EFCAB5: variants seen among roughly 807,000 people sequenced by gnomAD.
The protein encoded by EFCAB5 is EF-hand calcium-binding domain-containing protein 5.
In EFCAB5, 131 loss-of-function variants were observed where a neutral mutation model predicts 167.9. The observed-to-expected ratio is 0.78, with a 90% CI of 0.68 to 0.90. The LOEUF is 0.90. EFCAB5 is among the 40% of genes least tolerant of loss of function. The probability of loss-of-function intolerance (pLI) is 0.00; values close to 1 mark genes in which losing one functional copy is unlikely to be tolerated. For missense variants in EFCAB5, 1,663 were observed against 1,745.2 expected, an observed-to-expected ratio of 0.95 and a Z score of 0.84; for synonymous variants, 574 against 602.8, an observed-to-expected ratio of 0.95 and a Z score of 0.70.
chr17:30,096,070 G>A (rs4350617), intron 22 of EFCAB5, among the ~76,000 whole-genome samples: 58,326 of 152,022 alleles, frequency 0.38, 13,721 homozygotes, highest in East Asian at 0.81. Flanking sequence ...TTTTAGTTAC[G>A]AGTTATGATA....
intron 22 of EFCAB5, among the ~76,000 whole-genome samples, chr17:30,100,824 T>G (rs1353021903): frequency 6.6e-6 from 1 of 151,824 alleles, no homozygotes; most frequent in Non-Finnish European, 1.5e-5. Flanking sequence ...ATCAGCCATA[T>G]GAATGTACAA....
rs977200100 is a variant in EFCAB5 at position 30,107,947 on chromosome 17, A to G, written c.4435A>G (p.Ile1479Val). Residue 1479 changes from isoleucine (I) to valine (V), a missense_variant, in exon 23 of 23, where the codon ATT becomes GTT. Transcript: ENST00000394835. ...GATAACCAAACAACTAAATAGTGGT[A>G]TTACACCTCCGTTGCCCTCCAAGAC... is the stretch of plus-strand genomic sequence containing the variant. Reference protein sequence around the residue: ...MKITKQLNSGITPPLPSKTDN... With the variant: ...MKITKQLNSGVTPPLPSKTDN... The G allele has an allele frequency of 6.2e-7, 1 of 1,611,978 alleles. No homozygotes were observed. Among genetic ancestry groups the G allele is most frequent in the Admixed American group, 1.7e-5 (1 of 59,382 alleles).
intron 14 of EFCAB5, among the ~76,000 whole-genome samples, chr17:30,077,518 GC>G (rs890034895): frequency 1.3e-5 from 2 of 152,088 alleles, no homozygotes; most frequent in African/African-American, 4.8e-5. Flanking sequence ...ATGGAATAGG[GC>G]AGATCATAGA....
chr17:30,032,003 CTCCAGCTTGGGCAACAGAGTGAGA>C (rs1280090912), intron 7 of EFCAB5: 27 of 151,986 alleles, frequency 1.8e-4, no homozygotes, highest in Admixed American at 1.8e-3. Context: ...CACCATTGCA[CTCCAGCTTGGGCAACAGAGTGAGA>C]CCCTGTCTCT....
chr17:30,064,728 G>A (rs1274877555), intron 14 of EFCAB5, among the ~76,000 whole-genome samples: 3 of 152,120 alleles, frequency 2.0e-5, no homozygotes, highest in Non-Finnish European at 4.4e-5. Context: ...AAGTCAAACT[G>A]TCAAAAGTCA....
In EFCAB5 at chr17:30,078,438, T is replaced by C. The variant is rs537530548; in HGVS notation, c.2961T>C (p.Cys987=). Residue 987 remains cysteine (C), a synonymous_variant, in exon 15 of 23, where the codon TGT becomes TGC. Transcript: ENST00000394835. ...ARRKWLHQIQ[C]AAETSGVSLE... is the part of the protein sequence containing the mutation. ...GGAAATGGCTGCACCAAATCCAATG[T>C]GCTGCAGAGACAAGTGGGGTGTCCC... 2.6e-5 allele frequency: 42 copies of C among 1,613,954 alleles called. No homozygotes were observed. The East Asian group carries it at 9.1e-4, about 35-fold the overall frequency.
chr17:29,953,126 A>G (rs1416935532), intron 3 of EFCAB5, among the ~76,000 whole-genome samples: 1 of 152,186 alleles, frequency 6.6e-6, no homozygotes, highest in African/African-American at 2.4e-5. Flanking sequence ...ACATGATCCT[A>G]TATCTAGAAA....
intron 7 of EFCAB5, among the ~76,000 whole-genome samples, chr17:30,019,433 C>T (rs1452031379): frequency 6.6e-6 from 1 of 150,630 alleles, no homozygotes; most frequent in African/African-American, 2.4e-5. Context: ...TGAACCATCC[C>T]TCTCTCCCTC....
chr17:29,946,973 A>G (rs929992607), intron 3 of EFCAB5, among the ~76,000 whole-genome samples: 1 of 152,114 alleles, frequency 6.6e-6, no homozygotes, highest in African/African-American at 2.4e-5. Context: ...TCACAAGGTC[A>G]AGAGATCGAG....
chr17:29,994,375 G>T, intron 5 of EFCAB5, among the ~76,000 whole-genome samples: 1 of 151,618 alleles, frequency 6.6e-6, no homozygotes, highest in Non-Finnish European at 1.5e-5. Flanking sequence ...CAAAGTGCTT[G>T]CCAAAAGTGC....
intron 8 of EFCAB5, among the ~76,000 whole-genome samples, chr17:30,046,934 C>A (rs973020704): frequency 6.6e-6 from 1 of 151,992 alleles, no homozygotes; most frequent in Non-Finnish European, 1.5e-5. Context: ...TGTTGGTACT[C>A]CAAGAGATCA....
At chr17:30,073,526 A>T (rs1034822073) in intron 14 of EFCAB5, 7 of 574,682 alleles carry the variant, frequency 1.2e-5, no homozygotes, top group Non-Finnish European at 2.2e-5. Context: ...TTTTTGATGC[A>T]TGTGGTCCAT....
rs982663823 is a variant in EFCAB5 at position 29,978,057 on chromosome 17, T to G, written c.767+8690T>G. Among the ~76,000 whole-genome samples the G allele has an allele frequency of 2.0e-5, 3 of 152,308 alleles. No homozygotes were observed. The South Asian group carries it at 6.2e-4, about 32-fold the overall frequency. On this transcript the variant is annotated intron_variant, in intron 4 of 22. Coordinates refer to ENST00000394835, the MANE Select transcript of EFCAB5 (RefSeq NM_198529.4). ...GATTTGGCAAGACAGAGGGAATGTT[T>G]CATCCTTGATATGGGTCTTCCTGAG...
chr17:30,095,871 G>C (rs1346523969), intron 22 of EFCAB5, among the ~76,000 whole-genome samples: 1 of 152,192 alleles, frequency 6.6e-6, no homozygotes, highest in Non-Finnish European at 1.5e-5. Context: ...TAGTCATCTT[G>C]AATGGGAATT....
rs186924691 is a variant in EFCAB5, at chr17:30,032,840, C to G, written c.1045-1390C>G. Among the ~76,000 whole-genome samples the G allele has an allele frequency of 5.9e-5, 9 of 152,224 alleles. No homozygotes were observed. In the East Asian group the frequency reaches 1.7e-3, roughly 29 times the overall value. On this transcript the variant is annotated intron_variant, in intron 7 of 22. Transcript: ENST00000394835. ...TTAATTCTCAGGCCCAGCCAAAGAC[C>G]CTAAGAGAGTAGAGGTAAAATTTTG... is the stretch of plus-strand genomic sequence containing the variant.
At chr17:29,968,615 CA>C (rs1476498346) in intron 3 of EFCAB5, among the ~76,000 whole-genome samples, 175 bp from the exon 4 acceptor site, 1 of 152,164 alleles carries the variant, frequency 6.6e-6, no homozygotes, top group Non-Finnish European at 1.5e-5. Context: ...ATTAAGTCAA[CA>C]ATAAATGTCT....
rs984136086 is a variant in EFCAB5, at chr17:29,945,130, A to G, written c.190+1481A>G. 3.9e-5 allele frequency among the ~76,000 whole-genome samples: 6 copies of G among 152,298 alleles called. No homozygotes were observed. The South Asian group carries it at 1.2e-3, about 32-fold the overall frequency. Reference sequence around the variant, plus strand: ...TAACTCCAAATACTTAGTGAAATCCATACCACCAGAAATTCTTTACAATAT... The same window carrying G: ...TAACTCCAAATACTTAGTGAAATCCGTACCACCAGAAATTCTTTACAATAT... On this transcript the variant is annotated intron_variant, in intron 3 of 22. Coordinates refer to ENST00000394835, the MANE Select transcript of EFCAB5 (RefSeq NM_198529.4).
chr17:29,996,400 C>A (rs1209580013), intron 6 of EFCAB5, 40 bp downstream of exon 6: 84 of 1,483,148 alleles, frequency 5.7e-5, no homozygotes, highest in Middle Eastern at 2.0e-4. Flanking sequence ...ATTTTTATTT[C>A]TTTTTTGGGT....
chr17:30,104,349 T>C (rs1036371548), intron 22 of EFCAB5, among the ~76,000 whole-genome samples: 5 of 152,136 alleles, frequency 3.3e-5, no homozygotes, highest in African/African-American at 1.2e-4. Context: ...ATAAATGGAG[T>C]TTTAATTCAG....
Sources: gnomAD v4.1 joint callset for allele counts (sites outside exome capture counted in the v4.1 genomes callset) on GRCh38, gnomAD v4.1.1 for gene constraint, MANE v1.5 for transcripts, NCBI Gene and HGNC (gene_info 2026-07-23, HGNC 2026-07-21) for gene names.